Variants in SLCO1B1 observed in about 807,000 individuals in gnomAD.
The protein encoded by SLCO1B1 is solute carrier organic anion transporter family member 1B1.
A neutral mutation model predicts 70.1 loss-of-function variants in SLCO1B1; 81 were observed. That is an observed-to-expected ratio of 1.16 (90% confidence interval 0.97 to 1.39). SLCO1B1 has a LOEUF of 1.39. Ranked by LOEUF, SLCO1B1 falls within the 40% of genes most tolerant of loss-of-function variation. SLCO1B1 has a pLI of 0.00. For missense variants in SLCO1B1, 895 were observed against 799.6 expected (o/e 1.12, Z -1.44); for synonymous variants, 283 against 271.5 (o/e 1.04, Z -0.42).
rs188348645 is a variant in SLCO1B1 at position 21,162,566 on chromosome 12, A to G, written c.85-10084A>G. 2.4e-3 allele frequency among the ~76,000 whole-genome samples: 358 copies of G among 152,302 alleles called. 2 individuals are homozygous for G. Among genetic ancestry groups the G allele is most frequent in the African/African-American group, 8.6e-3 (357 of 41,572 alleles). Reference sequence around the variant, plus strand: ...ATTCATGCAGAATTCCCGTTGCTTCAAATGGAGAGAAGCAGCAGTGTACCA... The same window carrying G: ...ATTCATGCAGAATTCCCGTTGCTTCGAATGGAGAGAAGCAGCAGTGTACCA... On this transcript the variant is annotated intron_variant, in intron 2 of 14. Transcript: ENST00000256958.
intron 14 of SLCO1B1, among the ~76,000 whole-genome samples, chr12:21,230,225 T>C (rs1245383052): frequency 5.9e-5 from 9 of 152,116 alleles, no homozygotes; most frequent in Admixed American, 5.9e-4. Context: ...TCCCACTTAG[T>C]CATGATGTAT....
intron 11 of SLCO1B1, 150 bp downstream of exon 11, chr12:21,206,183 G>A (rs1488070158): frequency 9.0e-6 from 6 of 669,184 alleles, no homozygotes; most frequent in African/African-American, 1.8e-5. Context: ...TGGGTGTGAT[G>A]TATAAACAAA....
intron 10 of SLCO1B1, among the ~76,000 whole-genome samples, chr12:21,203,807 G>A (rs934414241): frequency 6.6e-6 from 1 of 151,956 alleles, no homozygotes. Context: ...TATTATTGAA[G>A]AGTCAGAAAA....
intron 3 of SLCO1B1, among the ~76,000 whole-genome samples, chr12:21,174,026 G>C (rs1187775614): frequency 6.6e-6 from 1 of 151,918 alleles, no homozygotes; most frequent in Non-Finnish European, 1.5e-5. Flanking sequence ...TAAAGTGCTG[G>C]GATTACAGGT....
chr12:21,139,158 A>G (rs1365877029), intron 1 of SLCO1B1, among the ~76,000 whole-genome samples: 1 of 152,144 alleles, frequency 6.6e-6, no homozygotes, highest in Non-Finnish European at 1.5e-5. Context: ...CCACCTTGCA[A>G]GTCATACAGA....
chr12:21,190,343 G>T (rs1941015313), intron 7 of SLCO1B1, among the ~76,000 whole-genome samples: 1 of 152,110 alleles, frequency 6.6e-6, no homozygotes, highest in Non-Finnish European at 1.5e-5. Flanking sequence ...GCTCCAGCTT[G>T]TTGGGACTGC....
At chr12:21,171,710 T>G (rs1940757681) in intron 2 of SLCO1B1, among the ~76,000 whole-genome samples, 1 of 152,152 alleles carries the variant, frequency 6.6e-6, no homozygotes. Flanking sequence ...CAACAAATAT[T>G]TGTCTCTCAC....
At chr12:21,167,293 A>G (rs1327114066) in intron 2 of SLCO1B1, among the ~76,000 whole-genome samples, 1 of 152,214 alleles carries the variant, frequency 6.6e-6, no homozygotes, top group Non-Finnish European at 1.5e-5. Flanking sequence ...GTGACAATGA[A>G]AATTTAGCTG....
At chr12:21,138,769 C>T (rs953912609) in intron 1 of SLCO1B1, among the ~76,000 whole-genome samples, 19 of 28,730 alleles carry the variant, frequency 6.6e-4, no homozygotes, top group African/African-American at 1.3e-3. Flanking sequence ...GCATTACAAC[C>T]AAGAATGGAG....
At chr12:21,144,441 T>C (rs990300232) in intron 2 of SLCO1B1, among the ~76,000 whole-genome samples, 10 of 152,094 alleles carry the variant, frequency 6.6e-5, no homozygotes, top group Non-Finnish European at 1.2e-4. Flanking sequence ...CTGTGACTCA[T>C]TGGCATTCCT....
At chr12:21,219,865 G>A (rs1372038686) in intron 12 of SLCO1B1, among the ~76,000 whole-genome samples, 2 of 152,004 alleles carry the variant, frequency 1.3e-5, no homozygotes, top group African/African-American at 2.4e-5. Context: ...AGGTTCAAAC[G>A]ATGCTCCTGC....
At chr12:21,154,453 T>C (rs914022504) in intron 2 of SLCO1B1, among the ~76,000 whole-genome samples, 32 of 152,156 alleles carry the variant, frequency 2.1e-4, no homozygotes, top group Non-Finnish European at 3.5e-4. Context: ...CTGCAAAAAG[T>C]AAATTTCTAT....
rs183846680 is a variant in SLCO1B1, at chr12:21,135,265, A to G, written c.-62+4029A>G. Among the ~76,000 whole-genome samples the G allele has an allele frequency of 3.8e-4, 58 of 152,288 alleles. 1 individual carries two copies. Among genetic ancestry groups the G allele is most frequent in the Admixed American group, 3.1e-3 (47 of 15,304 alleles). The stretch of plus-strand genomic sequence containing the variant: ...AGCTTTACTTCCAACTATGTGGTCA[A>G]TTTCAGAGTAGGTGTGGTGTGGTGC... On this transcript the variant is annotated intron_variant, in intron 1 of 14. Transcript: ENST00000256958.
intron 2 of SLCO1B1, among the ~76,000 whole-genome samples, chr12:21,169,963 C>T (rs1250705210): frequency 1.3e-5 from 2 of 152,008 alleles, no homozygotes; most frequent in Admixed American, 1.3e-4. Context: ...CTCCTTTAGG[C>T]TTGTGTGTGT....
At chr12:21,140,420 T>C (rs947212495) in intron 1 of SLCO1B1, among the ~76,000 whole-genome samples, 1 of 152,036 alleles carries the variant, frequency 6.6e-6, no homozygotes, top group Non-Finnish European at 1.5e-5. Context: ...AAGTAAAAAG[T>C]TAACTCATTT....
intron 7 of SLCO1B1, among the ~76,000 whole-genome samples, chr12:21,182,817 A>G (rs1252661155): frequency 6.6e-6 from 1 of 152,066 alleles, no homozygotes; most frequent in African/African-American, 2.4e-5. Context: ...AGAATTCTGA[A>G]TCTCAGAACA....
Position 21,205,979 on chromosome 12 carries a change from C to G in SLCO1B1, c.1443C>G (p.Tyr481Ter). 6.2e-7 allele frequency: 1 copy of G among 1,612,254 alleles called. No homozygotes were observed. The highest frequency in any genetic ancestry group is 8.5e-7 in the Non-Finnish European group (1 of 1,178,680). Residue 481 changes from tyrosine to a stop codon, truncating the protein, a stop_gained, in exon 11 of 15, where the codon TAC becomes TAG. Transcript: ENST00000256958. LOFTEE classifies it high-confidence loss of function. ...TCTGTGGAAACAATGGAATAACTTACATCTCACCCTGTCTAGCAGGTTGCA... is the reference window on the plus strand; with the variant it reads ...TCTGTGGAAACAATGGAATAACTTAGATCTCACCCTGTCTAGCAGGTTGCA... Reference protein sequence around the residue: ...EPVCGNNGITYISPCLAGCKS... With the variant: ...EPVCGNNGIT
intron 14 of SLCO1B1, among the ~76,000 whole-genome samples, chr12:21,232,076 T>C (rs1941544626): frequency 6.6e-6 from 1 of 151,942 alleles, no homozygotes; most frequent in African/African-American, 2.4e-5. Flanking sequence ...AAACGAAAAT[T>C]CAAGAAGGGA....
chr12:21,196,946 G>A lies in SLCO1B1; in HGVS notation c.728G>A (p.Ser243Asn), dbSNP rs558073276. 26 of 1,612,896 alleles carry A rather than the reference G, an allele frequency of 1.6e-5. No homozygotes were observed. The Admixed American group carries it at 2.8e-4, about 18-fold the overall frequency. Residue 243 changes from serine to asparagine, a missense_variant and splice_region_variant, in exon 8 of 15, where the codon AGC becomes AAC. Physicochemically the swap from Ser to Asn is conservative, Grantham distance 46. Transcript: ENST00000256958. Reference sequence around the variant, plus strand: ...TGGCTTCTATAATTATTTATTCTAGGCACTATCAGGATAACTCCTACTGAT... The same window carrying A: ...TGGCTTCTATAATTATTTATTCTAGACACTATCAGGATAACTCCTACTGAT... ...MYVDIGYVDLSTIRITPTDSR... is the reference protein window; with the variant it reads ...MYVDIGYVDLNTIRITPTDSR...
Sources: allele counts gnomAD v4.1 joint callset (sites outside exome capture counted in the v4.1 genomes callset), GRCh38; gene constraint gnomAD v4.1.1; transcripts MANE v1.5; gene names NCBI Gene and HGNC (gene_info 2026-07-23, HGNC 2026-07-21).